FSTL5: variants seen among roughly 807,000 people sequenced by gnomAD.
FSTL5 encodes the protein follistatin-related protein 5.
Under a neutral mutation model 89.1 loss-of-function variants are expected in FSTL5, and 62 were observed. That is an observed-to-expected ratio of 0.70 (90% confidence interval 0.57 to 0.86). FSTL5 has a LOEUF of 0.86. FSTL5 is among the 40% of genes least tolerant of loss of function. The pLI, the probability that FSTL5 is intolerant of heterozygous loss-of-function variation, is 0.00. For missense variants in FSTL5, 1,057 were observed against 1,001.6 expected (o/e 1.06, Z -0.75); for synonymous variants, 383 against 346.2 (o/e 1.11, Z -1.18).
At chr4:162,004,326 T>G (rs1462182780) in intron 3 of FSTL5, among the ~76,000 whole-genome samples, 1 of 152,198 alleles carries the variant, frequency 6.6e-6, no homozygotes, top group African/African-American at 2.4e-5. Context: ...AACCAATCCA[T>G]TACTAGGTCC....
intron 15 of FSTL5, among the ~76,000 whole-genome samples, chr4:161,422,614 G>A (rs1390771131): frequency 6.6e-6 from 1 of 152,078 alleles, no homozygotes; most frequent in African/African-American, 2.4e-5. Flanking sequence ...TGGACCTTAG[G>A]GCTGTATGTA....
chr4:161,392,104 T>C (rs982547252), intron 15 of FSTL5, among the ~76,000 whole-genome samples: 8 of 152,144 alleles, frequency 5.3e-5, no homozygotes, highest in African/African-American at 1.9e-4. Flanking sequence ...AAAACCGAAA[T>C]CCATAATTTA....
intron 7 of FSTL5, among the ~76,000 whole-genome samples, chr4:161,591,081 G>A (rs1733804050): frequency 6.6e-6 from 1 of 152,156 alleles, no homozygotes; most frequent in Non-Finnish European, 1.5e-5. Flanking sequence ...ATACAATGGA[G>A]TATTATTTGA....
At position 161,971,787 on chromosome 4, in the gene FSTL5, G is replaced by A. The variant is rs533512864; in HGVS notation, c.161-51135C>T. ...ATCCCCAAAATCCAAACAAACAATA[G>A]TATAAACAAATAATGATTTTATGTT... is the stretch of plus-strand genomic sequence containing the variant. On this transcript the variant is annotated intron_variant, in intron 3 of 15. Coordinates refer to ENST00000306100, the MANE Select transcript of FSTL5 (RefSeq NM_020116.5). Among the ~76,000 whole-genome samples, 15 of 152,142 alleles carry A rather than the reference G, an allele frequency of 9.9e-5. No homozygotes were observed. The South Asian group carries it at 3.1e-3, about 32-fold the overall frequency.
intron 2 of FSTL5, among the ~76,000 whole-genome samples, chr4:162,089,526 G>C (rs1005085486): frequency 6.6e-6 from 1 of 151,102 alleles, no homozygotes; most frequent in South Asian, 2.1e-4. Flanking sequence ...CCAGCTACTC[G>C]GGAGGGTAAG....
intron 2 of FSTL5, among the ~76,000 whole-genome samples, chr4:162,073,438 T>C (rs1729709862): frequency 2.0e-5 from 3 of 151,712 alleles, no homozygotes; most frequent in South Asian, 2.1e-4. Flanking sequence ...GTCAAACACA[T>C]ATCAATAAGA....
chr4:162,070,173 C>G (rs1729550887), intron 2 of FSTL5, among the ~76,000 whole-genome samples: 1 of 151,766 alleles, frequency 6.6e-6, no homozygotes, highest in South Asian at 2.1e-4. Flanking sequence ...AATGACTATG[C>G]AGATCCTTTG....
chr4:161,622,299 G>T (rs1735161426), intron 7 of FSTL5, among the ~76,000 whole-genome samples: 1 of 151,930 alleles, frequency 6.6e-6, no homozygotes, highest in African/African-American at 2.4e-5. Context: ...ATCCTGGAAA[G>T]GTTAAGAAAT....
intron 2 of FSTL5, among the ~76,000 whole-genome samples, chr4:162,089,875 A>G (rs940416124): frequency 6.6e-6 from 1 of 152,128 alleles, no homozygotes; most frequent in African/African-American, 2.4e-5. Flanking sequence ...TTAAACTTTA[A>G]GGTTTATAAA....
At chr4:161,905,793 A>G (rs1342067390) in intron 4 of FSTL5, among the ~76,000 whole-genome samples, 2 of 152,148 alleles carry the variant, frequency 1.3e-5, no homozygotes, top group Non-Finnish European at 2.9e-5. Flanking sequence ...CTTCTGATTC[A>G]GTATGTGGCT....
Position 161,502,054 on chromosome 4 carries a change from G to A in FSTL5, c.1340-1920C>T, listed in dbSNP as rs185760394. Among the ~76,000 whole-genome samples, 7 of 152,038 alleles carry A rather than the reference G, an allele frequency of 4.6e-5. No individual in the cohort carries two copies. The East Asian group carries it at 1.4e-3, about 29-fold the overall frequency. The stretch of plus-strand genomic sequence containing the variant: ...TACTAAGCTCTTAACATTTTTCAGT[G>A]AATATGACTACCCTTCTTTAACTTT... On this transcript the variant is annotated intron_variant, in intron 11 of 15. Coordinates refer to ENST00000306100, the MANE Select transcript of FSTL5 (RefSeq NM_020116.5).
chr4:161,804,808 A>T (rs1729907708), intron 4 of FSTL5, among the ~76,000 whole-genome samples: 1 of 152,050 alleles, frequency 6.6e-6, no homozygotes, highest in South Asian at 2.1e-4. Flanking sequence ...TTTGAACATT[A>T]TCTAAATTGC....
intron 2 of FSTL5, among the ~76,000 whole-genome samples, chr4:162,040,988 G>C: frequency 6.6e-6 from 1 of 151,914 alleles, no homozygotes; most frequent in Middle Eastern, 3.2e-3. Flanking sequence ...TTTTCCAACA[G>C]AGTCTTTGAA....
chr4:161,910,149 C>T (rs757345731), intron 4 of FSTL5, among the ~76,000 whole-genome samples: 5 of 152,218 alleles, frequency 3.3e-5, no homozygotes, highest in African/African-American at 4.8e-5. Flanking sequence ...GTCCTCCTTA[C>T]GACTTTTTTC....
At chr4:161,396,214 T>G (rs115403102) in intron 15 of FSTL5, among the ~76,000 whole-genome samples, 109 of 152,022 alleles carry the variant, frequency 7.2e-4, no homozygotes, top group African/African-American at 2.5e-3. Flanking sequence ...CGAAGTTACA[T>G]GAACGCACAC....
At chr4:161,584,601 G>T (rs1414785572) in intron 8 of FSTL5, among the ~76,000 whole-genome samples, 2 of 152,158 alleles carry the variant, frequency 1.3e-5, no homozygotes, top group African/African-American at 4.8e-5. Flanking sequence ...TCCTTTAAAA[G>T]AGTTAATGAT....
chr4:161,718,499 G>T (rs1254305963), intron 6 of FSTL5, among the ~76,000 whole-genome samples: 1 of 151,884 alleles, frequency 6.6e-6, no homozygotes. Context: ...CGAGATCTCA[G>T]CTCACTGCAA....
At chr4:161,646,523 C>G (rs1181593745) in intron 7 of FSTL5, among the ~76,000 whole-genome samples, 2 of 151,738 alleles carry the variant, frequency 1.3e-5, no homozygotes, top group Non-Finnish European at 2.9e-5. Context: ...CATATAAAAT[C>G]CAGACATATT....
At chr4:161,704,137 A>G (rs1218629269) in intron 6 of FSTL5, among the ~76,000 whole-genome samples, 1 of 152,136 alleles carries the variant, frequency 6.6e-6, no homozygotes, top group Non-Finnish European at 1.5e-5. Context: ...AGATAAATGC[A>G]TATCTAATTG....
Sources: gnomAD v4.1 joint callset for allele counts (sites outside exome capture counted in the v4.1 genomes callset) on GRCh38, gnomAD v4.1.1 for gene constraint, MANE v1.5 for transcripts, NCBI Gene and HGNC (gene_info 2026-07-23, HGNC 2026-07-21) for gene names.